Variants in GSTM1 observed in about 807,000 individuals in gnomAD.
The protein encoded by GSTM1 is glutathione S-transferase mu 1.
Under a neutral mutation model 17.3 loss-of-function variants are expected in GSTM1, and 6 were observed. That is an observed-to-expected ratio of 0.35 (90% CI 0.19 to 0.68). The LOEUF (loss-of-function observed/expected upper bound fraction) is 0.68, where lower values mean the gene tolerates loss of function less well. GSTM1 is among the 30% of genes least tolerant of loss of function. GSTM1 has a pLI of 0.65. For synonymous variants in GSTM1, 20 were observed against 53.6 expected, an observed-to-expected ratio of 0.37 and a Z score of 2.74; for missense variants, 62 against 155.9, an observed-to-expected ratio of 0.40 and a Z score of 3.21.
Position 109,689,496 on chromosome 1 carries a change from G to T in GSTM1, c.360+171G>T, listed in dbSNP as rs1648047264. ...CAATGTCATGTCAACAAAAGCAGAGGCAATTCCCACCAACCTTAGGACACG... is the reference window on the plus strand; with the variant it reads ...CAATGTCATGTCAACAAAAGCAGAGTCAATTCCCACCAACCTTAGGACACG... On this transcript the variant is annotated intron_variant, in intron 5 of 7. Coordinates refer to ENST00000309851, the MANE Select transcript of GSTM1 (RefSeq NM_000561.4). 2.5e-5 allele frequency among the ~76,000 whole-genome samples: 2 copies of T among 79,580 alleles called. 1 individual carries two copies. 52.2% of individuals were successfully genotyped at this position (79,580 alleles called of 152,430 possible).
At position 109,687,869 on chromosome 1, in the gene GSTM1, G is replaced by A. The variant is rs1216318048; in HGVS notation, c.-5G>A. On this transcript the variant is annotated 5_prime_UTR_variant, in exon 1 of 8. Transcript: ENST00000309851. ...CTGTCTGCGGAATCCGCACCAACCA[G>A]CACCATGCCCATGATACTGGGGTAC... 4 of 793,152 alleles carry A rather than the reference G, an allele frequency of 5.0e-6. 2 individuals carry two copies. The African/African-American group carries it at 7.4e-5, about 15-fold the overall frequency. 49.1% of individuals were successfully genotyped at this position (793,152 alleles called of 1,614,324 possible). A position where few individuals can be genotyped will look rare whatever the true frequency, so the allele number is the denominator to read the frequency against.
At chr1:109,691,405 G>C in intron 7 of GSTM1, among the ~76,000 whole-genome samples, 1 of 76,938 alleles carries the variant, frequency 1.3e-5, no homozygotes, top group East Asian at 4.8e-4. Flanking sequence ...GCTAATTTTT[G>C]TATTTTTAGT....
At chr1:109,688,876 C>T in intron 3 of GSTM1, 139 bp downstream of exon 3, 1 of 492,294 alleles carries the variant, frequency 2.0e-6, no homozygotes, top group African/African-American at 2.2e-5. Context: ...AACAGTCCTT[C>T]CATGATGTTC....
chr1:109,690,179 A>G (rs756637), intron 5 of GSTM1, 92 bp from the exon 6 acceptor site: 367,676 of 445,258 alleles, frequency 0.83, 175,502 homozygotes, highest in East Asian at 1. Context: ...CTGCTTGCCC[A>G]TGGCCAGCCT....
In GSTM1 at chr1:109,687,942, G is replaced by A; in HGVS notation, c.36+33G>A. 1.0e-5 allele frequency: 8 copies of A among 770,418 alleles called. 3 individuals are homozygous for A. The highest frequency in any genetic ancestry group is 1.1e-5 in the Non-Finnish European group (6 of 527,498). 47.7% of individuals were successfully genotyped at this position (770,418 alleles called of 1,614,324 possible). A position where few individuals can be genotyped will look rare whatever the true frequency, so the allele number is the denominator to read the frequency against. The stretch of plus-strand genomic sequence containing the variant: ...AGGGTCCGCTGGACGGTGGGACGAG[G>A]GCGCAGGGGAGGGAAGTGCGAAGCA... On this transcript the variant is annotated intron_variant, in intron 1 of 7. Transcript: ENST00000309851.
At position 109,688,036 on chromosome 1, in the gene GSTM1, G is replaced by T. The variant is rs1371913048; in HGVS notation, c.36+127G>T. 1.0e-4 allele frequency: 77 copies of T among 742,356 alleles called. 32 individuals are homozygous for T. Among genetic ancestry groups the T allele is most frequent in the Non-Finnish European group, 1.4e-4 (70 of 503,846 alleles). 46.0% of individuals were successfully genotyped at this position (742,356 alleles called of 1,614,324 possible). On this transcript the variant is annotated intron_variant, in intron 1 of 7. Coordinates refer to ENST00000309851, the MANE Select transcript of GSTM1 (RefSeq NM_000561.4). ...CGCCTCAGAAGGGCCTGTGCATGCC[G>T]CTGTGTGTGTGTTGGGGGTGTGGGC...
chr1:109,687,818 T>C lies in GSTM1; in HGVS notation c.-56T>C, dbSNP rs1314884398. On this transcript the variant is annotated 5_prime_UTR_variant, in exon 1 of 8. Coordinates refer to ENST00000309851, the MANE Select transcript of GSTM1 (RefSeq NM_000561.4). ...GCCTGTCCCCTCTCCGGAGCTCTTA[T>C]ACTCTGAGCCCTGCTCGGTTTAGGC... is the stretch of plus-strand genomic sequence containing the variant. 5.2e-5 allele frequency: 34 copies of C among 656,348 alleles called. 14 individuals are homozygous for C. The highest frequency in any genetic ancestry group is 7.5e-5 in the Non-Finnish European group (32 of 424,462). 40.7% of individuals were successfully genotyped at this position (656,348 alleles called of 1,614,324 possible).
Position 109,691,957 on chromosome 1 carries a change from G to C in GSTM1, c.568-1249G>C, listed in dbSNP as rs1185176198. ...CTGGTCCAGGCTTAGTGGCCTTGGA[G>C]TTATGTAAGAGGTGGTGGGAAGGGA... On this transcript the variant is annotated intron_variant, in intron 7 of 7. Transcript: ENST00000309851. Among the ~76,000 whole-genome samples, 2 of 79,468 alleles carry C rather than the reference G, an allele frequency of 2.5e-5. 1 individual carries two copies. Among genetic ancestry groups the C allele is most frequent in the Non-Finnish European group, 6.4e-5 (2 of 31,056 alleles). 52.1% of individuals were successfully genotyped at this position (79,468 alleles called of 152,430 possible). A position where few individuals can be genotyped will look rare whatever the true frequency, so the allele number is the denominator to read the frequency against.
rs1402926240 is a variant in GSTM1, at chr1:109,691,670, G to C, written c.567+1106G>C. Among the ~76,000 whole-genome samples, 10 of 81,968 alleles carry C rather than the reference G, an allele frequency of 1.2e-4. 2 individuals are homozygous for C. The highest frequency in any genetic ancestry group is 3.1e-4 in the African/African-American group (9 of 28,862). The allele number at this position is 81,968 out of a possible 152,430, so 53.8% of individuals were successfully genotyped here. A position where few individuals can be genotyped will look rare whatever the true frequency, so the allele number is the denominator to read the frequency against. On this transcript the variant is annotated intron_variant, in intron 7 of 7. Coordinates refer to ENST00000309851, the MANE Select transcript of GSTM1 (RefSeq NM_000561.4). ...ATGTATAGATGACTGCCCCATCCTGGAAATGAGTGCAGTGAGAGGGCTGCA... is the reference window on the plus strand; with the variant it reads ...ATGTATAGATGACTGCCCCATCCTGCAAATGAGTGCAGTGAGAGGGCTGCA...
At chr1:109,690,392 G>A (rs1438596183) in intron 6 of GSTM1, 26 bp downstream of exon 6, 1 of 780,910 alleles carries the variant, frequency 1.3e-6, no homozygotes, top group Non-Finnish European at 1.9e-6. Context: ...TATGGGGAAT[G>A]AGATCTGTTT....
At position 109,692,630 on chromosome 1, in the gene GSTM1, C is replaced by T. The variant is rs1382944320; in HGVS notation, c.568-576C>T. Among the ~76,000 whole-genome samples, 14 of 77,704 alleles carry T rather than the reference C, an allele frequency of 1.8e-4. 7 individuals are homozygous for T. Among genetic ancestry groups the T allele is most frequent in the Non-Finnish European group, 4.6e-4 (14 of 30,484 alleles). 51.0% of individuals were successfully genotyped at this position (77,704 alleles called of 152,430 possible). A position where few individuals can be genotyped will look rare whatever the true frequency, so the allele number is the denominator to read the frequency against. On this transcript the variant is annotated intron_variant, in intron 7 of 7. Coordinates refer to ENST00000309851, the MANE Select transcript of GSTM1 (RefSeq NM_000561.4). ...TGAGTGTGTTCAGAGCCCCTTTGTTCTGCTGGAGGTCCCTTCTGTGTCTCT... is the reference window on the plus strand; with the variant it reads ...TGAGTGTGTTCAGAGCCCCTTTGTTTTGCTGGAGGTCCCTTCTGTGTCTCT...
chr1:109,690,228 G>A lies in GSTM1; in HGVS notation c.361-43G>A, dbSNP rs765974747. 21 of 688,876 alleles carry A rather than the reference G, an allele frequency of 3.0e-5. 7 individuals are homozygous for A. In the South Asian group the frequency reaches 3.8e-4, roughly 13 times the overall value. The allele number at this position is 688,876 out of a possible 1,614,324, so 42.7% of individuals were successfully genotyped here. On this transcript the variant is annotated intron_variant, in intron 5 of 7. Transcript: ENST00000309851. ...CCCCGGGGAGGCCACGTCTGTGCAG[G>A]GAGCTTTTGTCCGAGGGTGGTGACA...
intron 2 of GSTM1, 93 bp downstream of exon 2, chr1:109,688,338 T>A (rs1344068898): frequency 6.0e-6 from 4 of 661,792 alleles, no homozygotes; most frequent in African/African-American, 2.0e-5. Context: ...TCTGCAGGCC[T>A]CCCCTGCTGG....
Position 109,688,983 on chromosome 1 carries a change from A to G in GSTM1, c.178-65A>G, listed in dbSNP as rs571456668. ...CCCGGTCTCCTCTCTGCTCTTGCTTATGGGAAGGGGATGCTGGGGAGCCTG... is the reference window on the plus strand; with the variant it reads ...CCCGGTCTCCTCTCTGCTCTTGCTTGTGGGAAGGGGATGCTGGGGAGCCTG... On this transcript the variant is annotated intron_variant, in intron 3 of 7. Coordinates refer to ENST00000309851, the MANE Select transcript of GSTM1 (RefSeq NM_000561.4). 19 of 687,566 alleles carry G rather than the reference A, an allele frequency of 2.8e-5. 7 individuals are homozygous for G. The African/African-American group carries it at 3.6e-4, about 13-fold the overall frequency. The allele number at this position is 687,566 out of a possible 1,614,324, so 42.6% of individuals were successfully genotyped here. A position where few individuals can be genotyped will look rare whatever the true frequency, so the allele number is the denominator to read the frequency against.
chr1:109,690,178 C>A lies in GSTM1; in HGVS notation c.361-93C>A. 4.5e-6 allele frequency: 2 copies of A among 440,960 alleles called. 1 individual carries two copies. The highest frequency in any genetic ancestry group is 8.3e-6 in the Non-Finnish European group (2 of 241,104). The allele number at this position is 440,960 out of a possible 1,614,324, so 27.3% of individuals were successfully genotyped here. ...AGCTTGGGGAAGATGGCTGCTTGCC[C>A]ATGGCCAGCCTGGGCCGTCCACAGC... On this transcript the variant is annotated intron_variant, in intron 5 of 7. Transcript: ENST00000309851.
At chr1:109,688,560 G>T in intron 2 of GSTM1, 113 bp from the exon 3 acceptor site, 1 of 443,166 alleles carries the variant, frequency 2.3e-6, no homozygotes, top group Non-Finnish European at 4.1e-6. Flanking sequence ...TGAGTGGTCA[G>T]ATTCTAGATC....
At position 109,691,225 on chromosome 1, in the gene GSTM1, C is replaced by T. The variant is rs1344608073; in HGVS notation, c.567+661C>T. Among the ~76,000 whole-genome samples, 8 of 18,218 alleles carry T rather than the reference C, an allele frequency of 4.4e-4. 2 individuals carry two copies. The highest frequency in any genetic ancestry group is 1.1e-3 in the African/African-American group (7 of 6,568). 12.0% of individuals were successfully genotyped at this position (18,218 alleles called of 152,430 possible). A position where few individuals can be genotyped will look rare whatever the true frequency, so the allele number is the denominator to read the frequency against. Reference sequence around the variant, plus strand: ...GGCACTTCCTTACTCCACCTCTATTCTTTTTTTTTTTTTTTTTTTTTTTTT... The same window carrying T: ...GGCACTTCCTTACTCCACCTCTATTTTTTTTTTTTTTTTTTTTTTTTTTTT... On this transcript the variant is annotated intron_variant, in intron 7 of 7. Transcript: ENST00000309851.
chr1:109,692,821 T>A lies in GSTM1; in HGVS notation c.568-385T>A, dbSNP rs576820148. Among the ~76,000 whole-genome samples, 81 of 80,820 alleles carry A rather than the reference T, an allele frequency of 1.0e-3. 24 individuals carry two copies. The highest frequency in any genetic ancestry group is 2.7e-3 in the African/African-American group (77 of 28,590). 53.0% of individuals were successfully genotyped at this position (80,820 alleles called of 152,430 possible). A position where few individuals can be genotyped will look rare whatever the true frequency, so the allele number is the denominator to read the frequency against. On this transcript the variant is annotated intron_variant, in intron 7 of 7. Coordinates refer to ENST00000309851, the MANE Select transcript of GSTM1 (RefSeq NM_000561.4). ...GAACCAGGCTACACTGCAGTTCTAT[T>A]CCCCTTACTAGGTATTTAAATGTAA...
chr1:109,688,932 C>T (rs1416327010), intron 3 of GSTM1, 116 bp from the exon 4 acceptor site: 2 of 518,940 alleles, frequency 3.9e-6, no homozygotes, highest in African/African-American at 4.3e-5. Context: ...TTATTTCAGT[C>T]CTGCCATGAG....
Sources: gnomAD v4.1 joint callset for allele counts (sites outside exome capture counted in the v4.1 genomes callset) on GRCh38, gnomAD v4.1.1 for gene constraint, MANE v1.5 for transcripts, NCBI Gene and HGNC (gene_info 2026-07-23, HGNC 2026-07-21) for gene names.